OSCP1: variants seen among roughly 807,000 people sequenced by gnomAD.
OSCP1 encodes protein OSCP1.
Under a neutral mutation model 45.1 loss-of-function variants are expected in OSCP1, and 35 were observed. The observed-to-expected ratio is 0.78, with a 90% confidence interval of 0.59 to 1.03. OSCP1 has a LOEUF of 1.03. OSCP1 is among the 50% of genes least tolerant of loss of function. The probability of loss-of-function intolerance (pLI) is 0.00; values close to 1 mark genes in which losing one functional copy is unlikely to be tolerated. For missense variants in OSCP1, 400 were observed against 470.7 expected, an observed-to-expected ratio of 0.85 and a Z score of 1.39; for synonymous variants, 179 against 180.1, an observed-to-expected ratio of 0.99 and a Z score of 0.05.
At chr1:36,433,491 G>GGGGA (rs1205986745) in intron 2 of OSCP1, among the ~76,000 whole-genome samples, 2 of 152,070 alleles carry the variant, frequency 1.3e-5, no homozygotes, top group African/African-American at 4.8e-5. Context: ...CTGCAAGAAT[G>GGGGA]GGGAGGGAGG....
At chr1:36,424,520 C>G (rs1039733164) in intron 4 of OSCP1, among the ~76,000 whole-genome samples, 8 of 152,196 alleles carry the variant, frequency 5.3e-5, no homozygotes, top group Admixed American at 3.9e-4. Context: ...TCCTCAAGGT[C>G]AGCCAGCTGG....
chr1:36,422,130 C>T lies in OSCP1; in HGVS notation c.819+20G>A, dbSNP rs113580620. ...TCTAGAGAGAAGCTGTGAGGGTAGG[C>T]AAGGAAGGCAGAAGCTCACCTGGGT... On this transcript the variant is annotated intron_variant, in intron 7 of 9. Coordinates refer to ENST00000235532, the MANE Select transcript of OSCP1 (RefSeq NM_145047.5). 4 of 1,608,732 alleles carry T rather than the reference C, an allele frequency of 2.5e-6. No homozygotes were observed. The African/African-American group carries it at 4.0e-5, about 16-fold the overall frequency.
Position 36,441,477 on chromosome 1 carries a change from G to C in OSCP1, c.113-2567C>G, listed in dbSNP as rs551781033. 6.6e-5 allele frequency among the ~76,000 whole-genome samples: 10 copies of C among 151,804 alleles called. No homozygotes were observed. The South Asian group carries it at 2.1e-3, about 32-fold the overall frequency. ...AAAAATTTAATTAGCGTACGGGCGC[G>C]GTGGCTCACGCCTGTAATCCCAGCA... On this transcript the variant is annotated intron_variant, in intron 1 of 9. Transcript: ENST00000235532.
chr1:36,424,540 G>T (rs575550517), intron 4 of OSCP1, among the ~76,000 whole-genome samples: 5 of 152,218 alleles, frequency 3.3e-5, no homozygotes, highest in Non-Finnish European at 7.3e-5. Context: ...GTAAGGGGCA[G>T]AGCTGAGGAT....
At chr1:36,420,004 C>T (rs1406023591) in intron 8 of OSCP1, among the ~76,000 whole-genome samples, 1 of 147,104 alleles carries the variant, frequency 6.8e-6, no homozygotes, top group Non-Finnish European at 1.5e-5. Context: ...GAGACAGAGT[C>T]TTGCTGTGTC....
In OSCP1 at chr1:36,419,129, T is replaced by A. The variant is rs1182797045; in HGVS notation, c.960-75A>T. The A allele has an allele frequency of 7.3e-5, 98 of 1,343,358 alleles. 1 individual carries two copies. In the Middle Eastern group the frequency reaches 1.1e-3, roughly 15 times the overall value. 83.2% of individuals were successfully genotyped at this position (1,343,358 alleles called of 1,614,324 possible). Reference sequence around the variant, plus strand: ...GCCAGCATGGCAAACTGGCTCTTGATCAGTTGGCAACCTATTTTTTCTGCC... The same window carrying A: ...GCCAGCATGGCAAACTGGCTCTTGAACAGTTGGCAACCTATTTTTTCTGCC... On this transcript the variant is annotated intron_variant, in intron 8 of 9. Coordinates refer to ENST00000235532, the MANE Select transcript of OSCP1 (RefSeq NM_145047.5).
In OSCP1 at chr1:36,442,956, A is replaced by ATAT. The variant is rs5773524; in HGVS notation, c.113-4049_113-4047dup. On this transcript the variant is annotated intron_variant, in intron 1 of 9. Transcript: ENST00000235532. ...TTTGATTTAATGCCTGTGCTTTTAA[A>ATAT]TATTATTATTATTATTATTATTTTT... 6.3e-3 allele frequency among the ~76,000 whole-genome samples: 946 copies of ATAT among 150,704 alleles called. 2 individuals are homozygous for ATAT. The highest frequency in any genetic ancestry group is 9.9e-3 in the Non-Finnish European group (670 of 67,724).
rs189760202 is a variant in OSCP1 at position 36,447,280 on chromosome 1, C to G, written c.112+2978G>C. Among the ~76,000 whole-genome samples, 229 of 152,296 alleles carry G rather than the reference C, an allele frequency of 1.5e-3. 1 individual carries two copies. The highest frequency in any genetic ancestry group is 4.9e-3 in the African/African-American group (203 of 41,560). On this transcript the variant is annotated intron_variant, in intron 1 of 9. Transcript: ENST00000235532. The surrounding 1 kb of genome is among the most constrained non-coding windows in gnomAD (Gnocchi z 4.1). Reference sequence around the variant, plus strand: ...CTATGCTCTCTACCCTGTTTTCTCACTCTATCTTCTACAGATCTCCAACAG... The same window carrying G: ...CTATGCTCTCTACCCTGTTTTCTCAGTCTATCTTCTACAGATCTCCAACAG...
intron 2 of OSCP1, among the ~76,000 whole-genome samples, chr1:36,436,933 T>C (rs1648786412): frequency 6.6e-6 from 1 of 152,220 alleles, no homozygotes; most frequent in Non-Finnish European, 1.5e-5. Context: ...ATTTGTGTGA[T>C]GTTTTTCTTA....
At position 36,450,405 on chromosome 1, in the gene OSCP1, G is replaced by T. The variant is rs377445734; in HGVS notation, c.-36C>A. On this transcript the variant is annotated 5_prime_UTR_variant, in exon 1 of 10. Transcript: ENST00000235532. The stretch of plus-strand genomic sequence containing the variant: ...ACGAGCTGGACTGGTGAAGAGCCCC[G>T]GGGTTCGGTAGCCAGTGGCCTGAAG... 134 of 1,573,090 alleles carry T rather than the reference G, an allele frequency of 8.5e-5. 1 individual carries two copies. The highest frequency in any genetic ancestry group is 6.7e-4 in the Middle Eastern group (4 of 6,002).
intron 2 of OSCP1, among the ~76,000 whole-genome samples, chr1:36,435,054 T>C (rs1648621569): frequency 1.3e-5 from 2 of 151,642 alleles, no homozygotes; most frequent in East Asian, 1.9e-4. Flanking sequence ...CCTTCCTCTA[T>C]GGAAATTTAA....
chr1:36,447,966 A>G lies in OSCP1; in HGVS notation c.112+2292T>C. On this transcript the variant is annotated intron_variant, in intron 1 of 9. Coordinates refer to ENST00000235532, the MANE Select transcript of OSCP1 (RefSeq NM_145047.5). This position sits in a 1 kb window ranked among gnomAD's most constrained non-coding sequence, Gnocchi z 4.1. ...CAAAACCATATTTAGCAAAAGCAGA[A>G]AAAAGGCTATAACTCCTAAAGGTAA... 2 of 438,784 alleles carry G rather than the reference A, an allele frequency of 4.6e-6. No individual in the cohort carries two copies. Among genetic ancestry groups the G allele is most frequent in the Admixed American group, 4.8e-5 (2 of 41,422 alleles). 27.2% of individuals were successfully genotyped at this position (438,784 alleles called of 1,614,324 possible). A position where few individuals can be genotyped will look rare whatever the true frequency, so the allele number is the denominator to read the frequency against.
chr1:36,446,485 T>C (rs16823004), intron 1 of OSCP1, among the ~76,000 whole-genome samples: 15,654 of 152,296 alleles, frequency 0.1, 959 homozygotes, highest in East Asian at 0.29. Context: ...AACTGGCAGA[T>C]GCTCCCGAAG....
chr1:36,418,929 G>A (rs72663495), intron 9 of OSCP1, 62 bp downstream of exon 9: 255,136 of 1,069,314 alleles, frequency 0.24, 23,372 homozygotes, highest in East Asian at 0.4. Context: ...CCTGTCTCAA[G>A]AAAAAAAAAA....
At chr1:36,440,633 T>C (rs914076087) in intron 1 of OSCP1, among the ~76,000 whole-genome samples, 1 of 152,058 alleles carries the variant, frequency 6.6e-6, no homozygotes, top group East Asian at 1.9e-4. Context: ...CTCTGTCAGG[T>C]TTGCCTCATG....
intron 2 of OSCP1, among the ~76,000 whole-genome samples, chr1:36,434,768 A>AG (rs1648604401): frequency 6.6e-6 from 1 of 151,352 alleles, no homozygotes; most frequent in African/African-American, 2.4e-5. Flanking sequence ...AAAAAAAAAA[A>AG]AAAGAAATTA....
At chr1:36,420,252 G>A (rs891045739) in intron 8 of OSCP1, 16 of 469,704 alleles carry the variant, frequency 3.4e-5, no homozygotes, top group Non-Finnish European at 5.0e-5. Context: ...CTGGGACTAC[G>A]GGCGTGAGCC....
chr1:36,419,141 C>A, intron 8 of OSCP1, 87 bp from the exon 9 acceptor site: 1 of 1,177,222 alleles, frequency 8.5e-7, no homozygotes, highest in Non-Finnish European at 1.3e-6. Context: ...AGTTGGCAAC[C>A]TATTTTTTCT....
rs1344278666 is a variant in OSCP1, at chr1:36,422,276, C to G, written c.750-57G>C. On this transcript the variant is annotated intron_variant, in intron 6 of 9. Transcript: ENST00000235532. The stretch of plus-strand genomic sequence containing the variant: ...CCAGCCCCTTTCCACGGACTTCTCT[C>G]TAACTCGTAAGCATAGTTTGTAGCT... 13 of 1,471,642 alleles carry G rather than the reference C, an allele frequency of 8.8e-6. No individual in the cohort carries two copies. In the East Asian group the frequency reaches 2.5e-4, roughly 28 times the overall value. The allele number at this position is 1,471,642 out of a possible 1,614,324, so 91.2% of individuals were successfully genotyped here.
Sources: gnomAD v4.1 joint callset for allele counts (sites outside exome capture counted in the v4.1 genomes callset) on GRCh38, gnomAD v4.1.1 for gene constraint, Gnocchi (gnomAD v3.1) non-coding constraint, MANE v1.5 for transcripts, NCBI Gene and HGNC (gene_info 2026-07-23, HGNC 2026-07-21) for gene names.